Variants in STARD13 observed in about 807,000 individuals in gnomAD.
STARD13 encodes the protein StAR related lipid transfer domain containing 13.
Under a neutral mutation model 106.4 loss-of-function variants are expected in STARD13, and 62 were observed. That is an observed-to-expected ratio of 0.58 (90% CI 0.48 to 0.72). The LOEUF (loss-of-function observed/expected upper bound fraction) is 0.72, where lower values mean the gene tolerates loss of function less well. Ranked by LOEUF, STARD13 falls within the 30% of genes least tolerant of loss-of-function variation. The probability of loss-of-function intolerance (pLI) is 0.00; values close to 1 mark genes in which losing one functional copy is unlikely to be tolerated. For synonymous variants in STARD13, 565 were observed against 553.0 expected (o/e 1.02, Z -0.31); for missense variants, 1,387 against 1,424.0 (o/e 0.97, Z 0.42).
chr13:33,111,087 A>G (rs772224546), intron 10 of STARD13, among the ~76,000 whole-genome samples, 180 bp from the exon 11 acceptor site: 18 of 152,254 alleles, frequency 1.2e-4, no homozygotes, highest in Non-Finnish European at 2.4e-4. Flanking sequence ...AAGTCAGGAA[A>G]TACAAACATG....
intron 1 of STARD13, among the ~76,000 whole-genome samples, chr13:33,303,564 T>G (rs541487229): frequency 1.3e-5 from 2 of 152,312 alleles, no homozygotes; most frequent in Admixed American, 1.3e-4. Context: ...ACAGATGATG[T>G]AACAAGTACT....
chr13:33,580,717 C>G, the STARD13 span, among the ~76,000 whole-genome samples: 1 of 152,006 alleles, frequency 6.6e-6, no homozygotes, highest in African/African-American at 2.4e-5. Flanking sequence ...TGAAACTGTT[C>G]TAAAAAATAA....
chr13:33,459,545 A>G, the STARD13 span, among the ~76,000 whole-genome samples: 1 of 152,168 alleles, frequency 6.6e-6, no homozygotes, highest in Non-Finnish European at 1.5e-5. Flanking sequence ...TTGCTATTAC[A>G]AAAAAGCTTC....
Position 33,129,084 on chromosome 13 carries a change from C to A in STARD13, c.1593G>T (p.Gln531His), listed in dbSNP as rs1877709522. 6.2e-7 allele frequency: 1 copy of A among 1,614,012 alleles called. No individual in the cohort carries two copies. Among genetic ancestry groups the A allele is most frequent in the African/African-American group, 1.3e-5 (1 of 74,914 alleles). Residue 531 changes from glutamine (Q) to histidine (H), a missense_variant, in exon 5 of 14, where the codon CAG becomes CAT. Gln to His is a conservative substitution (Grantham distance 24, BLOSUM62 0). Transcript: ENST00000336934. ...AGTTACCTTCAAAATCTAAGGTGAT[C>A]TGATTAGGAGATGGAAAGGTGGATA... ...PGLSTFPSPN[Q>H]ITLDFEGNSV...
chr13:33,311,071 A>C (rs752945366), intron 1 of STARD13, among the ~76,000 whole-genome samples: 3 of 151,680 alleles, frequency 2.0e-5, no homozygotes, highest in Non-Finnish European at 4.4e-5. Context: ...TCAAGGCAGG[A>C]TCACTTAAGC....
At chr13:33,255,311 G>C (rs1395794210) in intron 1 of STARD13, among the ~76,000 whole-genome samples, 1 of 152,162 alleles carries the variant, frequency 6.6e-6, no homozygotes, top group African/African-American at 2.4e-5. Context: ...CTTATGGTAA[G>C]AGATGGATAA....
intron 3 of STARD13, among the ~76,000 whole-genome samples, chr13:33,144,169 C>T (rs1566022131): frequency 6.6e-6 from 1 of 152,192 alleles, no homozygotes; most frequent in Non-Finnish European, 1.5e-5. Flanking sequence ...CTGTCTCCAG[C>T]CCAGGCATCT....
the STARD13 span, among the ~76,000 whole-genome samples, chr13:33,404,475 T>C: frequency 6.6e-6 from 1 of 152,172 alleles, no homozygotes; most frequent in African/African-American, 2.4e-5. Context: ...AGAGGAGTAT[T>C]CCTGCTGTTT....
the STARD13 span, among the ~76,000 whole-genome samples, chr13:33,673,628 C>T: frequency 2.0e-5 from 3 of 148,418 alleles, no homozygotes; most frequent in Non-Finnish European, 4.4e-5. Flanking sequence ...CTGCAACCTC[C>T]ACCTCCCTGG....
At chr13:33,622,740 TA>T in the STARD13 span, among the ~76,000 whole-genome samples, 2 of 144,004 alleles carry the variant, frequency 1.4e-5, no homozygotes, top group South Asian at 2.2e-4. Flanking sequence ...GCTAACATGG[TA>T]AAACCCCATC....
intron 1 of STARD13, among the ~76,000 whole-genome samples, chr13:33,168,690 G>GTA (rs1011787672): frequency 6.6e-6 from 1 of 152,162 alleles, no homozygotes; most frequent in African/African-American, 2.4e-5. Context: ...AAGCTGGAGT[G>GTA]TACAGGGCGT....
chr13:33,173,290 G>A (rs933477291), intron 1 of STARD13, among the ~76,000 whole-genome samples: 8 of 152,208 alleles, frequency 5.3e-5, no homozygotes, highest in Non-Finnish European at 1.2e-4. Context: ...CTCTAGTGAA[G>A]TCCGTATTTA....
chr13:33,366,397 G>A, the STARD13 span, among the ~76,000 whole-genome samples: 259 of 152,098 alleles, frequency 1.7e-3, 2 homozygotes, highest in Non-Finnish European at 2.4e-3. The surrounding 1 kb of genome is among the most constrained non-coding windows in gnomAD (Gnocchi z 4.2). Context: ...TCAGAGCGAG[G>A]TTATCTCCAA....
chr13:33,624,857 C>A, the STARD13 span, among the ~76,000 whole-genome samples: 6 of 152,216 alleles, frequency 3.9e-5, no homozygotes, highest in African/African-American at 1.4e-4. Flanking sequence ...AGTTGTTCTT[C>A]CCACCTCACT....
chr13:33,519,742 A>G, the STARD13 span, among the ~76,000 whole-genome samples: 1 of 152,148 alleles, frequency 6.6e-6, no homozygotes, highest in Non-Finnish European at 1.5e-5. Flanking sequence ...ATAACACAGA[A>G]AATCAACAGT....
the STARD13 span, chr13:33,511,192 A>C: frequency 6.6e-6 from 1 of 152,320 alleles, no homozygotes; most frequent in Admixed American, 6.6e-5. Flanking sequence ...GTGTGCCTGT[A>C]ATCCCAGCTA....
downstream of STARD13, among the ~76,000 whole-genome samples, chr13:33,344,959 T>A (rs146180799): frequency 5.0e-3 from 757 of 152,322 alleles, 5 homozygotes; most frequent in African/African-American, 0.017. Context: ...TTCAAGCTGC[T>A]TACAAACACC....
chr13:33,639,479 T>C, the STARD13 span, among the ~76,000 whole-genome samples: 1 of 152,176 alleles, frequency 6.6e-6, no homozygotes, highest in Admixed American at 6.5e-5. Context: ...AGAAAATAGA[T>C]ATGTAAGTCA....
chr13:33,165,005 C>G (rs924218022), intron 3 of STARD13, among the ~76,000 whole-genome samples: 1 of 152,148 alleles, frequency 6.6e-6, no homozygotes, highest in South Asian at 2.1e-4. Flanking sequence ...TGTCTACATC[C>G]CCATGTTGTT....
Sources: allele counts gnomAD v4.1 joint callset (sites outside exome capture counted in the v4.1 genomes callset), GRCh38; gene constraint gnomAD v4.1.1; non-coding constraint Gnocchi (gnomAD v3.1); transcripts MANE v1.5; gene names NCBI Gene and HGNC (gene_info 2026-07-23, HGNC 2026-07-21).